The following DIP2B variants were observed in gnomAD, a reference collection of about 807,000 sequenced individuals.
DIP2B encodes DIP2 acetate--CoA ligase B (putative).
A neutral mutation model predicts 198.0 loss-of-function variants in DIP2B; 76 were observed. The ratio of observed to expected loss-of-function variants is 0.38; its 90% CI spans 0.32 to 0.46. The LOEUF (loss-of-function observed/expected upper bound fraction) is 0.46. Ranked by LOEUF, DIP2B falls within the 20% of genes least tolerant of loss-of-function variation. The pLI, the probability that DIP2B is intolerant of heterozygous loss-of-function variation, is 0.99. For synonymous variants in DIP2B, 701 were observed against 739.1 expected, an observed-to-expected ratio of 0.95 and a Z score of 0.84; for missense variants, 1,559 against 1,978.4, an observed-to-expected ratio of 0.79 and a Z score of 4.02.
chr12:50,628,040 G>A (rs1360991579), intron 2 of DIP2B, among the ~76,000 whole-genome samples: 1 of 152,164 alleles, frequency 6.6e-6, no homozygotes, highest in African/African-American at 2.4e-5. Flanking sequence ...CTACCTGGTT[G>A]CAGTCAGTAA....
chr12:50,585,429 C>A (rs917944091), intron 1 of DIP2B, among the ~76,000 whole-genome samples: 1 of 152,194 alleles, frequency 6.6e-6, no homozygotes, highest in Non-Finnish European at 1.5e-5. Flanking sequence ...GGTAGCTGCT[C>A]TTCTAGTCAG....
At chr12:50,506,035 A>T (rs1239029526) in intron 1 of DIP2B, among the ~76,000 whole-genome samples, 5 of 143,724 alleles carry the variant, frequency 3.5e-5, no homozygotes, top group Non-Finnish European at 6.1e-5. Flanking sequence ...TTTCAGAATT[A>T]AAAAAAAAAA....
At chr12:50,601,734 C>A (rs1297819258) in intron 1 of DIP2B, among the ~76,000 whole-genome samples, 1 of 152,050 alleles carries the variant, frequency 6.6e-6, no homozygotes, top group Non-Finnish European at 1.5e-5. Context: ...CTTCTTTAGG[C>A]TGTTTTTGTT....
chr12:50,720,040 C>G (rs1326926565), intron 25 of DIP2B, among the ~76,000 whole-genome samples: 2 of 150,966 alleles, frequency 1.3e-5, no homozygotes, highest in Admixed American at 1.3e-4. Context: ...AAGCGATTCT[C>G]CTGCCTCAGC....
At chr12:50,680,651 T>C in intron 8 of DIP2B, 21 bp from the exon 9 acceptor site, 8 of 1,606,516 alleles carry the variant, frequency 5.0e-6, no homozygotes, top group Non-Finnish European at 6.8e-6. Context: ...TGACTGTTGT[T>C]TTTTTTTCCT....
At chr12:50,616,438 T>C (rs1427303938) in intron 1 of DIP2B, among the ~76,000 whole-genome samples, 1 of 152,258 alleles carries the variant, frequency 6.6e-6, no homozygotes, top group Non-Finnish European at 1.5e-5. Flanking sequence ...CTCATCTTCT[T>C]TCAACAGATT....
intron 3 of DIP2B, among the ~76,000 whole-genome samples, chr12:50,654,506 C>T (rs544805365): frequency 6.6e-6 from 1 of 152,034 alleles, no homozygotes; most frequent in South Asian, 2.1e-4. Flanking sequence ...AGGCACATGC[C>T]ACCACATGGC....
At chr12:50,706,988 A>G (rs189656357) in intron 21 of DIP2B, among the ~76,000 whole-genome samples, 4 of 152,338 alleles carry the variant, frequency 2.6e-5, no homozygotes, top group Non-Finnish European at 4.4e-5. Flanking sequence ...CATTTCTTCA[A>G]TGCAAAAGTA....
chr12:50,565,364 C>T (rs954918422), intron 1 of DIP2B, among the ~76,000 whole-genome samples: 3 of 151,882 alleles, frequency 2.0e-5, no homozygotes, highest in Admixed American at 1.3e-4. Context: ...GGTGCGATCT[C>T]GGCTTACTCC....
intron 1 of DIP2B, among the ~76,000 whole-genome samples, chr12:50,619,577 T>C (rs562528117): frequency 6.6e-6 from 1 of 152,296 alleles, no homozygotes; most frequent in East Asian, 1.9e-4. Context: ...TGGCGCTTAA[T>C]TATAGAGTGT....
At chr12:50,556,547 G>T (rs1366663213) in intron 1 of DIP2B, among the ~76,000 whole-genome samples, 1 of 130,920 alleles carries the variant, frequency 7.6e-6, no homozygotes, top group Non-Finnish European at 1.6e-5. Flanking sequence ...ATGACACTAT[G>T]TATTGTGAGA....
intron 1 of DIP2B, among the ~76,000 whole-genome samples, chr12:50,531,688 A>G (rs915893838): frequency 2.0e-5 from 3 of 152,180 alleles, no homozygotes; most frequent in Non-Finnish European, 4.4e-5. Flanking sequence ...GTGGAAGTAG[A>G]GGCAGGCGGG....
In DIP2B at chr12:50,724,787, G is replaced by A. The variant is rs1939900775; in HGVS notation, c.3301G>A (p.Ala1101Thr). Residue 1101 changes from alanine (A) to threonine (T), a missense_variant, in exon 28 of 38, where the codon GCC becomes ACC. Coordinates refer to ENST00000301180, the MANE Select transcript of DIP2B (RefSeq NM_173602.3). ...ATTTGTTTTCTAGGTCAGCAAAGCA[G>A]CCTGTATTCTCACCAGTCAGACCCT... ...VRMIVDVSKA[A>T]CILTSQTLMR... The A allele has an allele frequency of 8.1e-6, 13 of 1,614,002 alleles. No homozygotes were observed. The highest frequency in any genetic ancestry group is 1.3e-5 in the African/African-American group (1 of 74,928).
intron 7 of DIP2B, among the ~76,000 whole-genome samples, chr12:50,678,352 G>C (rs1938983664): frequency 6.6e-6 from 1 of 152,034 alleles, no homozygotes; most frequent in Non-Finnish European, 1.5e-5. Flanking sequence ...ACTGGACACA[G>C]ACTGTACAGA....
At chr12:50,577,134 T>C (rs1315393435) in intron 1 of DIP2B, among the ~76,000 whole-genome samples, 1 of 152,202 alleles carries the variant, frequency 6.6e-6, no homozygotes, top group Non-Finnish European at 1.5e-5. Flanking sequence ...TCTTGTTCTT[T>C]ATCTGTGATC....
intron 1 of DIP2B, among the ~76,000 whole-genome samples, chr12:50,609,123 A>C (rs1160081643): frequency 6.6e-6 from 1 of 152,030 alleles, no homozygotes. Context: ...ACAGAGCAAC[A>C]CTCCGTCTCA....
chr12:50,580,119 T>G (rs1477349098), intron 1 of DIP2B, among the ~76,000 whole-genome samples: 1 of 148,914 alleles, frequency 6.7e-6, no homozygotes, highest in Non-Finnish European at 1.5e-5. Flanking sequence ...CACGTGGACT[T>G]GAATCCACAG....
At chr12:50,622,892 G>A (rs1288457886) in intron 1 of DIP2B, among the ~76,000 whole-genome samples, 2 of 151,592 alleles carry the variant, frequency 1.3e-5, no homozygotes, top group East Asian at 3.9e-4. Flanking sequence ...GATTACAGGC[G>A]TGAGCCACCT....
chr12:50,568,697 C>A (rs543902915), intron 1 of DIP2B, among the ~76,000 whole-genome samples: 113 of 152,248 alleles, frequency 7.4e-4, no homozygotes, highest in African/African-American at 2.4e-3. Context: ...TCTTCCTCAG[C>A]TAGTGGCTTA....
Sources: allele counts gnomAD v4.1 joint callset (sites outside exome capture counted in the v4.1 genomes callset), GRCh38; gene constraint gnomAD v4.1.1; transcripts MANE v1.5; gene names NCBI Gene and HGNC (gene_info 2026-07-23, HGNC 2026-07-21).